The following AGO2 variants were observed in gnomAD, a reference collection of about 807,000 sequenced individuals.
The protein encoded by AGO2 is argonaute RISC catalytic component 2, also known as protein argonaute-2.
AGO2 carries 5 observed loss-of-function variants against 102.3 expected under a neutral mutation model. The ratio of observed to expected loss-of-function variants is 0.05; its 90% CI spans 0.03 to 0.10. The LOEUF (loss-of-function observed/expected upper bound fraction) is 0.10. AGO2 is among the 10% of genes least tolerant of loss of function. AGO2 has a pLI of 1.00. For missense variants in AGO2, 541 were observed against 1,183.7 expected, an observed-to-expected ratio of 0.46 and a Z score of 7.97; for synonymous variants, 449 against 473.1, an observed-to-expected ratio of 0.95 and a Z score of 0.66.
intron 3 of AGO2, 43 bp from the exon 4 acceptor site, chr8:140,562,677 GC>G: frequency 6.3e-7 from 1 of 1,585,570 alleles, no homozygotes. Context: ...CTCCTGCGAA[GC>G]CCCAGGGAGG....
chr8:140,547,399 G>A (rs1564079072), intron 13 of AGO2, 69 bp downstream of exon 13: 3 of 1,568,680 alleles, frequency 1.9e-6, no homozygotes, highest in Non-Finnish European at 1.7e-6. Context: ...CCTGCATACT[G>A]CACCCCACCC....
intron 1 of AGO2, among the ~76,000 whole-genome samples, chr8:140,633,821 G>C (rs1174914042): frequency 2.6e-5 from 4 of 152,182 alleles, no homozygotes; most frequent in African/African-American, 9.7e-5. Context: ...TGTGAGCCTC[G>C]GCTGTCTGTC....
intron 10 of AGO2, chr8:140,555,610 C>A: frequency 3.0e-6 from 1 of 334,626 alleles, no homozygotes; most frequent in East Asian, 5.6e-5. Flanking sequence ...TAATTCGACC[C>A]TCGGTGAGTG....
intron 1 of AGO2, among the ~76,000 whole-genome samples, chr8:140,605,302 G>T (rs192230666): frequency 6.6e-6 from 1 of 152,300 alleles, no homozygotes; most frequent in East Asian, 1.9e-4. Flanking sequence ...TCACCATGTT[G>T]CCCAGGCTGG....
In AGO2 at chr8:140,530,689, C is replaced by T. The variant is rs1327368334; in HGVS notation, c.*1355G>A. The T allele has an allele frequency of 6.6e-6, 1 of 152,298 alleles. No individual in the cohort carries two copies. Among genetic ancestry groups the T allele is most frequent in the Non-Finnish European group, 1.5e-5 (1 of 68,086 alleles). 9.4% of individuals were successfully genotyped at this position (152,298 alleles called of 1,614,324 possible). ...CTCTGCTGGCCCTGCTATCCTTGGG[C>T]CTCCCAGGGCCAGGCAAGCTCCTTC... On this transcript the variant is annotated 3_prime_UTR_variant, in exon 19 of 19. Coordinates refer to ENST00000220592, the MANE Select transcript of AGO2 (RefSeq NM_012154.5).
intron 8 of AGO2, 96 bp downstream of exon 8, chr8:140,556,993 T>C (rs2073107701): frequency 6.7e-7 from 1 of 1,488,136 alleles, no homozygotes; most frequent in African/African-American, 1.4e-5. Flanking sequence ...CATTTGTATC[T>C]GACTGGGGCC....
intron 1 of AGO2, among the ~76,000 whole-genome samples, chr8:140,597,465 G>C (rs1217239883): frequency 6.8e-4 from 54 of 79,322 alleles, no homozygotes; most frequent in African/African-American, 1.9e-3. Context: ...GGGGCTGGGT[G>C]GCCCCCCCAC....
chr8:140,573,865 T>C (rs2073423543), intron 2 of AGO2, among the ~76,000 whole-genome samples: 1 of 152,226 alleles, frequency 6.6e-6, no homozygotes, highest in Non-Finnish European at 1.5e-5. Context: ...TCAAGGGGTT[T>C]GTGAGACTGG....
Position 140,589,059 on chromosome 8 carries a change from GGCAGGCGAGCCTCCTGCAGGA to G in AGO2, c.23-3769_23-3749del, listed in dbSNP as rs995508714. Among the ~76,000 whole-genome samples the G allele has an allele frequency of 6.6e-6, 1 of 152,230 alleles. No individual in the cohort carries two copies. Among genetic ancestry groups the G allele is most frequent in the Non-Finnish European group, 1.5e-5 (1 of 68,032 alleles). On this transcript the variant is annotated intron_variant, in intron 1 of 18. Transcript: ENST00000220592. The surrounding 1 kb of genome is among the most constrained non-coding windows in gnomAD (Gnocchi z 4.2). ...ACAGCGGACGTCAGCAGAGGTGGGC[GGCAGGCGAGCCTCCTGCAGGA>G]GCAGGCGGTCCCCTGAAGAAACTCC...
At chr8:140,625,252 C>T (rs1032111084) in intron 1 of AGO2, among the ~76,000 whole-genome samples, 1 of 152,206 alleles carries the variant, frequency 6.6e-6, no homozygotes, top group Middle Eastern at 3.2e-3. Context: ...ATTACAGGCG[C>T]CTGCCACCAT....
chr8:140,538,101 T>A lies in AGO2; in HGVS notation c.2169+1219A>T, dbSNP rs1384146013. ...TCCCAAAGTGCCAGGATTACAGGCG[T>A]GAGCCACCGTGCCTGGCCTGGTGAA... is the stretch of plus-strand genomic sequence containing the variant. On this transcript the variant is annotated intron_variant, in intron 16 of 18. Coordinates refer to ENST00000220592, the MANE Select transcript of AGO2 (RefSeq NM_012154.5). 2.0e-5 allele frequency among the ~76,000 whole-genome samples: 3 copies of A among 152,240 alleles called. No homozygotes were observed. The East Asian group carries it at 5.8e-4, about 29-fold the overall frequency.
At chr8:140,626,145 C>T (rs1055772760) in intron 1 of AGO2, among the ~76,000 whole-genome samples, 1 of 152,088 alleles carries the variant, frequency 6.6e-6, no homozygotes, top group Non-Finnish European at 1.5e-5. Context: ...GCCCTTTCGG[C>T]GTCGCTCCTG....
chr8:140,633,195 T>G (rs995386798), intron 1 of AGO2, among the ~76,000 whole-genome samples: 25 of 152,172 alleles, frequency 1.6e-4, no homozygotes, highest in African/African-American at 6.0e-4. Flanking sequence ...ATAATTCAAA[T>G]TGAATGTCTT....
At chr8:140,578,192 A>G (rs1379936801) in intron 2 of AGO2, among the ~76,000 whole-genome samples, 1 of 152,220 alleles carries the variant, frequency 6.6e-6, no homozygotes, top group Non-Finnish European at 1.5e-5. Context: ...TGGCAGCAGG[A>G]TGGCACCTTG....
At chr8:140,605,359 C>T (rs952208419) in intron 1 of AGO2, among the ~76,000 whole-genome samples, 24 of 152,122 alleles carry the variant, frequency 1.6e-4, no homozygotes, top group African/African-American at 4.8e-4. Flanking sequence ...AGCTTCCCAA[C>T]GTGCCGCGAT....
intron 1 of AGO2, among the ~76,000 whole-genome samples, chr8:140,612,356 G>A (rs2074091879): frequency 6.6e-6 from 1 of 151,988 alleles, no homozygotes; most frequent in Admixed American, 6.6e-5. Context: ...AACTCTGTGA[G>A]CTAGTGTGTT....
chr8:140,534,414 C>A (rs998936518), intron 17 of AGO2, among the ~76,000 whole-genome samples: 1 of 152,182 alleles, frequency 6.6e-6, no homozygotes, highest in African/African-American at 2.4e-5. Context: ...TGGCCCCAGG[C>A]CCATCTCACC....
rs370090926 is a variant in AGO2 at position 140,547,674 on chromosome 8, C to T, written c.1589-47G>A. 1,110 of 1,570,740 alleles carry T rather than the reference C, an allele frequency of 7.1e-4. 1 individual carries two copies. The highest frequency in any genetic ancestry group is 8.8e-4 in the Non-Finnish European group (1,017 of 1,158,210). Reference sequence around the variant, plus strand: ...CACAGCTCTGCCGGCGCCCCTTCCTCAGCTGGCCCCGAGAGCAGCAGCTGC... The same window carrying T: ...CACAGCTCTGCCGGCGCCCCTTCCTTAGCTGGCCCCGAGAGCAGCAGCTGC... On this transcript the variant is annotated intron_variant, in intron 12 of 18. Transcript: ENST00000220592.
chr8:140,574,424 G>A (rs2073433533), intron 2 of AGO2, among the ~76,000 whole-genome samples: 1 of 152,096 alleles, frequency 6.6e-6, no homozygotes, highest in South Asian at 2.1e-4. Context: ...ACTATGCCCA[G>A]TTAATTTTTA....
Sources: gnomAD v4.1 joint callset for allele counts (sites outside exome capture counted in the v4.1 genomes callset) on GRCh38, gnomAD v4.1.1 for gene constraint, Gnocchi (gnomAD v3.1) non-coding constraint, MANE v1.5 for transcripts, NCBI Gene and HGNC (gene_info 2026-07-23, HGNC 2026-07-21) for gene names.